GRID2: variants seen among roughly 807,000 people sequenced by gnomAD.
GRID2 encodes the protein glutamate ionotropic receptor delta type subunit 2.
Under a neutral mutation model 114.8 loss-of-function variants are expected in GRID2, and 33 were observed. The ratio of observed to expected loss-of-function variants is 0.29; its 90% CI spans 0.22 to 0.38. GRID2 has a LOEUF of 0.38. Ranked by LOEUF, GRID2 falls within the 10% of genes least tolerant of loss-of-function variation. GRID2 has a pLI of 1.00. For missense variants in GRID2, 1,184 were observed against 1,257.7 expected (o/e 0.94, Z 0.89); for synonymous variants, 505 against 449.9 (o/e 1.12, Z -1.55).
chr4:93,773,331 CAGGA>C lies in GRID2; in HGVS notation c.*835_*838del, dbSNP rs1251639314. The stretch of plus-strand genomic sequence containing the variant: ...TTAGTTTAAACAAAAGTATTGTATA[CAGGA>C]ACTATGTATAGTGCAGGGGTTCTTT... On this transcript the variant is annotated 3_prime_UTR_variant, in exon 16 of 16. Transcript: ENST00000282020. 1 of 152,010 alleles carries C rather than the reference CAGGA, an allele frequency of 6.6e-6. No individual in the cohort carries two copies. Among genetic ancestry groups the C allele is most frequent in the Non-Finnish European group, 1.5e-5 (1 of 67,984 alleles). 9.4% of individuals were successfully genotyped at this position (152,010 alleles called of 1,614,324 possible). A position where few individuals can be genotyped will look rare whatever the true frequency, so the allele number is the denominator to read the frequency against.
chr4:93,273,470 CAA>C, intron 8 of GRID2, among the ~76,000 whole-genome samples: 1 of 150,932 alleles, frequency 6.6e-6, no homozygotes, highest in Non-Finnish European at 1.5e-5. Flanking sequence ...TCCCCCCCCC[CAA>C]AAAATATCCA....
At chr4:92,720,239 A>T (rs1052487938) in intron 2 of GRID2, among the ~76,000 whole-genome samples, 1 of 152,108 alleles carries the variant, frequency 6.6e-6, no homozygotes, top group African/African-American at 2.4e-5. Context: ...AAAGAAAATT[A>T]CACAGGTAAA....
rs535434135 is a variant in GRID2, at chr4:92,991,860, C to T, written c.245-93135C>T. ...TTTGAAATTTACTCTTAAACCAAAA[C>T]AAACAAACAAAACACATTACCACAT... On this transcript the variant is annotated intron_variant, in intron 2 of 15. Coordinates refer to ENST00000282020, the MANE Select transcript of GRID2 (RefSeq NM_001510.4). Among the ~76,000 whole-genome samples the T allele has an allele frequency of 1.6e-4, 25 of 152,158 alleles. No homozygotes were observed. In the South Asian group the frequency reaches 5.0e-3, roughly 30 times the overall value.
chr4:92,733,805 G>A lies in GRID2; in HGVS notation c.244+143519G>A, dbSNP rs374402952. On this transcript the variant is annotated intron_variant, in intron 2 of 15. Transcript: ENST00000282020. ...CCCTTTAAAACTGGTGTGATTACTG[G>A]TGTAGCTACCACCAAGCCTGAGAAT... 1.5e-3 allele frequency among the ~76,000 whole-genome samples: 226 copies of A among 152,170 alleles called. 7 individuals carry two copies. In the South Asian group the frequency reaches 0.045, roughly 30 times the overall value.
intron 11 of GRID2, among the ~76,000 whole-genome samples, chr4:93,467,979 A>C (rs917380307): frequency 6.6e-6 from 1 of 152,210 alleles, no homozygotes; most frequent in African/African-American, 2.4e-5. Flanking sequence ...CCAGAAGACC[A>C]GTTTATTCTG....
intron 1 of GRID2, among the ~76,000 whole-genome samples, chr4:92,546,163 G>C (rs1290559425): frequency 6.6e-6 from 1 of 152,050 alleles, no homozygotes; most frequent in African/African-American, 2.4e-5. Context: ...CAATGTGACT[G>C]TATATTTAGA....
At chr4:92,802,969 A>G (rs1022424332) in intron 2 of GRID2, among the ~76,000 whole-genome samples, 1 of 151,936 alleles carries the variant, frequency 6.6e-6, no homozygotes, top group Non-Finnish European at 1.5e-5. Flanking sequence ...ATATGAGAAA[A>G]CCCAAGATTG....
At chr4:92,789,361 G>T (rs1237118790) in intron 2 of GRID2, among the ~76,000 whole-genome samples, 2 of 151,806 alleles carry the variant, frequency 1.3e-5, no homozygotes, top group Non-Finnish European at 2.9e-5. Flanking sequence ...TTAGTTGTGG[G>T]AATTGCTAAG....
intron 13 of GRID2, among the ~76,000 whole-genome samples, chr4:93,580,518 A>G (rs2149593155): frequency 6.6e-6 from 1 of 152,332 alleles, no homozygotes; most frequent in Non-Finnish European, 1.5e-5. Flanking sequence ...GATAGCTATG[A>G]AAGTTGACTG....
intron 2 of GRID2, among the ~76,000 whole-genome samples, chr4:93,049,339 G>A (rs1185153653): frequency 6.6e-6 from 1 of 151,820 alleles, no homozygotes; most frequent in East Asian, 1.9e-4. Flanking sequence ...AATTTTCTAG[G>A]ATATGTGCAC....
chr4:93,600,328 G>C (rs1258542829), intron 13 of GRID2, among the ~76,000 whole-genome samples: 8 of 151,908 alleles, frequency 5.3e-5, no homozygotes, highest in Admixed American at 4.6e-4. Flanking sequence ...ACATATCTCT[G>C]ACAAAGACCT....
chr4:93,346,856 C>T (rs975508216), intron 8 of GRID2, among the ~76,000 whole-genome samples: 2 of 152,050 alleles, frequency 1.3e-5, no homozygotes, highest in Non-Finnish European at 2.9e-5. Context: ...CCTGTCATAC[C>T]TCTTTATTAT....
chr4:93,807,858 C>G (rs1735062827), exon 2 of GRID2: 1 of 152,144 alleles, frequency 6.6e-6, no homozygotes, highest in Non-Finnish European at 1.5e-5. Flanking sequence ...GAGTCAGAAT[C>G]CTTTCCCTAA....
chr4:93,090,205 T>C (rs1428213525), intron 3 of GRID2, among the ~76,000 whole-genome samples: 2 of 152,110 alleles, frequency 1.3e-5, no homozygotes, highest in Non-Finnish European at 2.9e-5. Flanking sequence ...TTAAAGAGAC[T>C]ATAAACAGGA....
At chr4:93,141,782 T>C (rs984183650) in intron 4 of GRID2, among the ~76,000 whole-genome samples, 9 of 152,324 alleles carry the variant, frequency 5.9e-5, no homozygotes, top group African/African-American at 1.7e-4. Flanking sequence ...AACAGAAAAT[T>C]GTGCAATAGG....
intron 8 of GRID2, among the ~76,000 whole-genome samples, chr4:93,297,408 AAG>A (rs1302595832): frequency 1.3e-5 from 2 of 152,216 alleles, no homozygotes; most frequent in Admixed American, 6.5e-5. Context: ...TATATGAAAA[AAG>A]AGTAATTACT....
At chr4:92,356,526 A>G (rs1728334191) in intron 1 of GRID2, among the ~76,000 whole-genome samples, 1 of 151,692 alleles carries the variant, frequency 6.6e-6, no homozygotes, top group South Asian at 2.1e-4. Context: ...CATATATGCT[A>G]CATATATGTA....
chr4:93,026,428 A>C (rs1033340612), intron 2 of GRID2, among the ~76,000 whole-genome samples: 1 of 151,900 alleles, frequency 6.6e-6, no homozygotes, highest in African/African-American at 2.4e-5. Context: ...ATCGGAAACA[A>C]TTTTGTATCC....
At chr4:93,720,623 C>T (rs1191664043) in intron 14 of GRID2, among the ~76,000 whole-genome samples, 1 of 152,094 alleles carries the variant, frequency 6.6e-6, no homozygotes, top group Admixed American at 6.6e-5. Flanking sequence ...TTAAATGGAC[C>T]CTGCTTGCAA....
Sources: allele counts gnomAD v4.1 joint callset (sites outside exome capture counted in the v4.1 genomes callset), GRCh38; gene constraint gnomAD v4.1.1; transcripts MANE v1.5; gene names NCBI Gene and HGNC (gene_info 2026-07-23, HGNC 2026-07-21).